Variants in GRIK2 observed in about 807,000 individuals in gnomAD.
GRIK2 encodes the protein glutamate ionotropic receptor kainate type subunit 2, also known as glutamate receptor ionotropic, kainate 2.
In GRIK2, 32 loss-of-function variants were observed where a neutral mutation model predicts 100.3. The observed-to-expected ratio is 0.32, with a 90% CI of 0.24 to 0.43. The LOEUF is 0.43. Among genes scored for constraint, GRIK2 ranks in the 20% least tolerant of loss-of-function variants. The pLI, the probability that GRIK2 is intolerant of heterozygous loss-of-function variation, is 1.00. For missense variants in GRIK2, 843 were observed against 1,114.9 expected (o/e 0.76, Z 3.47); for synonymous variants, 417 against 389.4 (o/e 1.07, Z -0.83).
intron 12 of GRIK2, among the ~76,000 whole-genome samples, chr6:101,918,785 TGAG>T (rs768145191): frequency 6.6e-6 from 1 of 151,676 alleles, no homozygotes; most frequent in South Asian, 2.1e-4. Flanking sequence ...CTAATAATAA[TGAG>T]GAGGAGGAGA....
chr6:101,421,631 T>C (rs1441098926), intron 2 of GRIK2, among the ~76,000 whole-genome samples: 1 of 151,942 alleles, frequency 6.6e-6, no homozygotes, highest in African/African-American at 2.4e-5. Flanking sequence ...CTTGGGTTCA[T>C]ATTTTCTTAA....
intron 2 of GRIK2, among the ~76,000 whole-genome samples, chr6:101,588,386 G>A (rs1365225474): frequency 3.3e-5 from 5 of 152,056 alleles, no homozygotes; most frequent in African/African-American, 4.8e-5. Flanking sequence ...GTGCAGGGGC[G>A]GGGAGGATCA....
intron 7 of GRIK2, among the ~76,000 whole-genome samples, chr6:101,759,850 AT>A (rs1000169065): frequency 6.5e-5 from 9 of 138,606 alleles, no homozygotes; most frequent in South Asian, 2.3e-4. Flanking sequence ...GCAGCATTTT[AT>A]TTTTTTTATT....
chr6:101,830,264 A>C (rs1217516868), intron 10 of GRIK2, among the ~76,000 whole-genome samples: 1 of 152,082 alleles, frequency 6.6e-6, no homozygotes, highest in East Asian at 1.9e-4. Context: ...CACTCTATAC[A>C]AAAAGTAACT....
At chr6:101,611,733 A>G (rs565185689) in intron 2 of GRIK2, among the ~76,000 whole-genome samples, 1 of 151,922 alleles carries the variant, frequency 6.6e-6, no homozygotes, top group Admixed American at 6.6e-5. Flanking sequence ...CTCGCCTGGA[A>G]AATGAGTACA....
chr6:101,423,036 T>A (rs985507817), intron 2 of GRIK2, among the ~76,000 whole-genome samples: 1 of 152,218 alleles, frequency 6.6e-6, no homozygotes, highest in Non-Finnish European at 1.5e-5. Flanking sequence ...TAGCACATGC[T>A]GAAATATAAA....
chr6:101,864,847 T>A (rs1403468620), intron 11 of GRIK2, among the ~76,000 whole-genome samples: 4 of 152,150 alleles, frequency 2.6e-5, no homozygotes, highest in Non-Finnish European at 5.9e-5. Context: ...AACAGATTTT[T>A]AAAGCCACAT....
intron 15 of GRIK2, among the ~76,000 whole-genome samples, chr6:102,044,629 C>G (rs755242402): frequency 3.3e-5 from 5 of 151,944 alleles, no homozygotes; most frequent in African/African-American, 4.8e-5. Context: ...CAATTGTCTC[C>G]CACTGGCTCC....
intron 14 of GRIK2, among the ~76,000 whole-genome samples, chr6:101,985,188 G>GA (rs533078962): frequency 1.3e-5 from 2 of 151,340 alleles, no homozygotes; most frequent in Non-Finnish European, 3.0e-5. Flanking sequence ...AAAATTCAAT[G>GA]AAAAAAAAGT....
intron 7 of GRIK2, among the ~76,000 whole-genome samples, chr6:101,774,989 A>C (rs1367893828): frequency 6.6e-6 from 1 of 152,156 alleles, no homozygotes; most frequent in Non-Finnish European, 1.5e-5. Flanking sequence ...ATTGAACATC[A>C]TTCCTTATGA....
intron 2 of GRIK2, among the ~76,000 whole-genome samples, chr6:101,532,008 A>G (rs1366764310): frequency 6.6e-6 from 1 of 151,954 alleles, no homozygotes; most frequent in East Asian, 1.9e-4. Context: ...AATTGTCTTT[A>G]TAAAACCTAA....
intron 2 of GRIK2, among the ~76,000 whole-genome samples, chr6:101,539,790 T>C (rs1775897514): frequency 6.6e-6 from 1 of 151,838 alleles, no homozygotes; most frequent in African/African-American, 2.4e-5. Context: ...TGTAGGATTT[T>C]TTTTTAATTT....
At chr6:101,966,690 T>G (rs1297173884) in intron 14 of GRIK2, among the ~76,000 whole-genome samples, 1 of 152,050 alleles carries the variant, frequency 6.6e-6, no homozygotes, top group Non-Finnish European at 1.5e-5. Flanking sequence ...GCCCATCCCC[T>G]CCTCACTTGC....
At chr6:102,002,982 G>T (rs559693832) in intron 14 of GRIK2, among the ~76,000 whole-genome samples, 2 of 151,172 alleles carry the variant, frequency 1.3e-5, no homozygotes, top group East Asian at 1.9e-4. Context: ...GGCTTGAATA[G>T]GATTCTTTGA....
At chr6:102,006,627 C>CAA (rs1449821939) in intron 14 of GRIK2, among the ~76,000 whole-genome samples, 1 of 151,666 alleles carries the variant, frequency 6.6e-6, no homozygotes, top group African/African-American at 2.4e-5. Flanking sequence ...CTTGGCCTCC[C>CAA]AAAGTGCTGA....
At chr6:101,435,023 A>G (rs1332411701) in intron 2 of GRIK2, among the ~76,000 whole-genome samples, 1 of 152,174 alleles carries the variant, frequency 6.6e-6, no homozygotes, top group Non-Finnish European at 1.5e-5. Context: ...AAAGAAAATA[A>G]TAGATCACAT....
Position 101,945,910 on chromosome 6 carries a change from GTTTT to G in GRIK2, c.2085+17290_2085+17293del, listed in dbSNP as rs66532199. Among the ~76,000 whole-genome samples the G allele has an allele frequency of 3.2e-3, 422 of 131,436 alleles. 9 individuals are homozygous for G. The highest frequency in any genetic ancestry group is 0.011 in the African/African-American group (407 of 36,452). The allele number at this position is 131,436 out of a possible 152,430, so 86.2% of individuals were successfully genotyped here. A position where few individuals can be genotyped will look rare whatever the true frequency, so the allele number is the denominator to read the frequency against. On this transcript the variant is annotated intron_variant, in intron 14 of 16. Transcript: ENST00000369134. ...GTAGATAATAGATTCTCTATCTACT[GTTTT>G]TTTTTTTTTTTCATTTTTATGAGAT... is the stretch of plus-strand genomic sequence containing the variant.
chr6:101,802,695 G>A (rs879901546), intron 9 of GRIK2, among the ~76,000 whole-genome samples: 1 of 151,774 alleles, frequency 6.6e-6, no homozygotes, highest in African/African-American at 2.4e-5. Context: ...TGCATATAAT[G>A]TTAATTAGTC....
intron 7 of GRIK2, among the ~76,000 whole-genome samples, chr6:101,771,292 A>G (rs1295145373): frequency 6.6e-6 from 1 of 151,886 alleles, no homozygotes; most frequent in East Asian, 1.9e-4. Flanking sequence ...TTATAGACAA[A>G]AAGTACAAAT....
Sources: gnomAD v4.1 joint callset for allele counts (sites outside exome capture counted in the v4.1 genomes callset) on GRCh38, gnomAD v4.1.1 for gene constraint, MANE v1.5 for transcripts, NCBI Gene and HGNC (gene_info 2026-07-23, HGNC 2026-07-21) for gene names.